UQCC1: variants seen among roughly 807,000 people sequenced by gnomAD.
UQCC1 encodes the protein ubiquinol-cytochrome c reductase complex assembly factor 1.
UQCC1 carries 38 observed loss-of-function variants against 48.0 expected under a neutral mutation model. The ratio of observed to expected loss-of-function variants is 0.79; its 90% confidence interval spans 0.61 to 1.04. The LOEUF (loss-of-function observed/expected upper bound fraction) is 1.04, where lower values mean the gene tolerates loss of function less well. UQCC1 is among the 50% of genes least tolerant of loss of function. The pLI is 0.00. For synonymous variants in UQCC1, 111 were observed against 129.2 expected (o/e 0.86, Z 0.95); for missense variants, 368 against 381.8 (o/e 0.96, Z 0.30).
At chr20:35,393,481 CACACACACACAAACACACACAA>C (rs1361396540) in intron 2 of UQCC1, among the ~76,000 whole-genome samples, 2 of 129,662 alleles carry the variant, frequency 1.5e-5, no homozygotes, top group African/African-American at 3.0e-5. Flanking sequence ...CATACACACA[CACACACACACAAACACACACAA>C]ACACACACAC....
At chr20:35,376,118 G>A (rs191326286) in intron 4 of UQCC1, among the ~76,000 whole-genome samples, 156 of 151,764 alleles carry the variant, frequency 1.0e-3, no homozygotes, top group African/African-American at 3.6e-3. Flanking sequence ...GACCAGCCTG[G>A]CCAACATGGT....
chr20:35,398,175 T>C (rs906274358), intron 1 of UQCC1, among the ~76,000 whole-genome samples: 1 of 152,218 alleles, frequency 6.6e-6, no homozygotes, highest in African/African-American at 2.4e-5. Context: ...GCAAGGTACC[T>C]TCTAGCTCTA....
chr20:35,391,633 T>TAA lies in UQCC1; in HGVS notation c.129+2457_129+2458dup, dbSNP rs11483909. On this transcript the variant is annotated intron_variant, in intron 2 of 9. Coordinates refer to ENST00000374385, the MANE Select transcript of UQCC1 (RefSeq NM_018244.5). ...TGGACGACAGAGTGGGACTCTGTCT[T>TAA]AAAAAAAAAAAAATGAAAATTTAAC... Among the ~76,000 whole-genome samples, 186 of 145,260 alleles carry TAA rather than the reference T, an allele frequency of 1.3e-3. 1 individual carries two copies. Among genetic ancestry groups the TAA allele is most frequent in the Middle Eastern group, 3.5e-3 (1 of 288 alleles).
At chr20:35,347,306 GT>G in intron 6 of UQCC1, 34 bp from the exon 7 acceptor site, 1 of 1,610,292 alleles carries the variant, frequency 6.2e-7, no homozygotes. Context: ...AGTCTTGGCT[GT>G]TTGCATTTTT....
At chr20:35,405,339 T>C (rs2062235776) in intron 1 of UQCC1, among the ~76,000 whole-genome samples, 1 of 152,104 alleles carries the variant, frequency 6.6e-6, no homozygotes. Flanking sequence ...GAAAAGTCAC[T>C]AAACAAAAAT....
chr20:35,355,709 A>C (rs1453393063), intron 6 of UQCC1, among the ~76,000 whole-genome samples: 1 of 152,064 alleles, frequency 6.6e-6, no homozygotes, highest in African/African-American at 2.4e-5. Flanking sequence ...TCTCCTTCCT[A>C]CCTTCATCCC....
At chr20:35,343,032 C>G (rs780804505) in intron 7 of UQCC1, among the ~76,000 whole-genome samples, 1 of 152,162 alleles carries the variant, frequency 6.6e-6, no homozygotes, top group Non-Finnish European at 1.5e-5. Flanking sequence ...TTATTCATCA[C>G]TAACTCGAAA....
At chr20:35,367,835 A>G (rs1349668890) in intron 5 of UQCC1, among the ~76,000 whole-genome samples, 1 of 152,204 alleles carries the variant, frequency 6.6e-6, no homozygotes, top group Non-Finnish European at 1.5e-5. Context: ...TGAATAAGAA[A>G]GCATATTGTA....
intron 1 of UQCC1, among the ~76,000 whole-genome samples, chr20:35,400,492 T>A (rs961272074): frequency 1.1e-4 from 17 of 150,040 alleles, no homozygotes; most frequent in African/African-American, 2.2e-4. Context: ...AAAAAAAAAA[T>A]TTTTTTCTTT....
At chr20:35,306,208 C>T (rs902879849) in intron 9 of UQCC1, among the ~76,000 whole-genome samples, 10 of 152,146 alleles carry the variant, frequency 6.6e-5, no homozygotes, top group African/African-American at 2.2e-4. Flanking sequence ...GAGCATCTAG[C>T]AGGAAGAGGC....
chr20:35,366,596 G>C lies in UQCC1; in HGVS notation c.425C>G (p.Thr142Arg), dbSNP rs774347300. 4 of 1,613,774 alleles carry C rather than the reference G, an allele frequency of 2.5e-6. No homozygotes were observed. The highest frequency in any genetic ancestry group is 8.5e-7 in the Non-Finnish European group (1 of 1,179,840). Residue 142 changes from threonine to arginine, a missense_variant, in exon 6 of 10, where the codon ACA becomes AGA. Physicochemically the swap from Thr to Arg is moderately conservative, Grantham distance 71 (BLOSUM62 -1). Coordinates refer to ENST00000374385, the MANE Select transcript of UQCC1 (RefSeq NM_018244.5). ...GGTTATAAGAAACCATGAATTGAAT[G>C]TATCAGGCATCTGACACCCTAGAAA... is the stretch of plus-strand genomic sequence containing the variant. ...EFFLRCQMPD[T>R]FNSWFLITLL... is the part of the protein sequence containing the mutation.
intron 4 of UQCC1, among the ~76,000 whole-genome samples, chr20:35,375,496 C>T (rs998231209): frequency 1.3e-5 from 2 of 152,034 alleles, no homozygotes; most frequent in African/African-American, 4.8e-5. Context: ...AATCAGATAT[C>T]CCTATCTGGG....
intron 8 of UQCC1, among the ~76,000 whole-genome samples, chr20:35,311,275 G>A (rs967069991): frequency 6.6e-6 from 1 of 152,152 alleles, no homozygotes; most frequent in Non-Finnish European, 1.5e-5. Flanking sequence ...GAGCAATTTG[G>A]ACCTAATGTC....
At position 35,408,734 on chromosome 20, in the gene UQCC1, G is replaced by A. The variant is rs193097773; in HGVS notation, c.24+3206C>T. On this transcript the variant is annotated intron_variant, in intron 1 of 9. Coordinates refer to ENST00000374385, the MANE Select transcript of UQCC1 (RefSeq NM_018244.5). ...GCCAGGCGTGGTGGCACATGCCTGT[G>A]GTCCCAGCTACTCAGGAGGCTGAAG... Among the ~76,000 whole-genome samples the A allele has an allele frequency of 2.1e-3, 323 of 151,154 alleles. 9 individuals carry two copies. Among genetic ancestry groups the A allele is most frequent in the Admixed American group, 0.021 (320 of 15,174 alleles).
intron 9 of UQCC1, chr20:35,306,344 G>T (rs965916084): frequency 3.4e-6 from 1 of 292,136 alleles, no homozygotes; most frequent in Non-Finnish European, 6.7e-6. Context: ...TATCTGCCAG[G>T]ACTCTGTGGG....
intron 7 of UQCC1, among the ~76,000 whole-genome samples, chr20:35,327,753 C>G (rs1288718427): frequency 6.6e-6 from 1 of 152,104 alleles, no homozygotes; most frequent in Non-Finnish European, 1.5e-5. Context: ...TGTAATCCCA[C>G]CACTTTGGGA....
At chr20:35,331,421 C>T (rs1458974547) in intron 7 of UQCC1, among the ~76,000 whole-genome samples, 5 of 150,424 alleles carry the variant, frequency 3.3e-5, no homozygotes, top group Admixed American at 6.6e-5. Context: ...AAAAAAGCTA[C>T]GGTGAACAGA....
rs1370852913 is a variant in UQCC1, at chr20:35,410,716, A to AAAAAAAAAAAAAAAAAC, written c.24+1223_24+1224insGTTTTTTTTTTTTTTTT. On this transcript the variant is annotated intron_variant, in intron 1 of 9. Coordinates refer to ENST00000374385, the MANE Select transcript of UQCC1 (RefSeq NM_018244.5). Reference sequence around the variant, plus strand: ...CAAGACTCTGCCTCAAAAAAAAAAAAAAAAAAAACAAAACCCTAAAGGGTG... The same window carrying AAAAAAAAAAAAAAAAAC: ...CAAGACTCTGCCTCAAAAAAAAAAAAAAAAAAAAAAAAAAAACAAAAAAAACAAAACCCTAAAGGGTG... 4.3e-3 allele frequency among the ~76,000 whole-genome samples: 469 copies of AAAAAAAAAAAAAAAAAC among 108,702 alleles called. 23 individuals are homozygous for AAAAAAAAAAAAAAAAAC. Among genetic ancestry groups the AAAAAAAAAAAAAAAAAC allele is most frequent in the East Asian group, 7.2e-3 (24 of 3,324 alleles). 71.3% of individuals were successfully genotyped at this position (108,702 alleles called of 152,430 possible).
At chr20:35,410,114 C>G (rs118107529) in intron 1 of UQCC1, 6,302 of 152,256 alleles carry the variant, frequency 0.041, 173 homozygotes, top group Non-Finnish European at 0.062. Context: ...CCAGGAATAC[C>G]TCTCTGTGGT....
Sources: gnomAD v4.1 joint callset for allele counts (sites outside exome capture counted in the v4.1 genomes callset) on GRCh38, gnomAD v4.1.1 for gene constraint, MANE v1.5 for transcripts, NCBI Gene and HGNC (gene_info 2026-07-23, HGNC 2026-07-21) for gene names.